Variants in ITGB6 observed in about 807,000 individuals in gnomAD.
ITGB6 encodes integrin subunit beta 6, also known as integrin beta-6.
A neutral mutation model predicts 84.5 loss-of-function variants in ITGB6; 80 were observed. That is an observed-to-expected ratio of 0.95 (90% CI 0.79 to 1.14). The LOEUF is 1.14. Among genes scored for constraint, ITGB6 ranks in the 50% most tolerant of loss-of-function variants. The pLI, the probability that ITGB6 is intolerant of heterozygous loss-of-function variation, is 0.00. For missense variants in ITGB6, 1,006 were observed against 968.0 expected (o/e 1.04, Z -0.52); for synonymous variants, 383 against 354.9 (o/e 1.08, Z -0.89).
chr2:160,101,420 A>G lies in ITGB6; in HGVS notation c.*316T>C. The G allele has an allele frequency of 3.5e-6, 1 of 285,840 alleles. No individual in the cohort carries two copies. The highest frequency in any genetic ancestry group is 4.0e-5 in the South Asian group (1 of 25,092). 17.7% of individuals were successfully genotyped at this position (285,840 alleles called of 1,614,324 possible). A position where few individuals can be genotyped will look rare whatever the true frequency, so the allele number is the denominator to read the frequency against. ...TAGCTGCATTCCTGAAACAAATGAG[A>G]CTCTAATTTCAAACATTTTTCAAAT... On this transcript the variant is annotated 3_prime_UTR_variant, in exon 15 of 15. Coordinates refer to ENST00000283249, the MANE Select transcript of ITGB6 (RefSeq NM_000888.5).
chr2:160,173,874 G>A (rs1685309986), intron 5 of ITGB6, 100 bp downstream of exon 5: 1 of 1,038,838 alleles, frequency 9.6e-7, no homozygotes, highest in African/African-American at 1.7e-5. Context: ...GAAATTTAGA[G>A]ATCAAAGGAA....
intron 6 of ITGB6, 76 bp from the exon 7 acceptor site, chr2:160,169,383 A>G (rs770518062): frequency 1.9e-5 from 17 of 873,320 alleles, no homozygotes; most frequent in Non-Finnish European, 2.5e-5. Flanking sequence ...TATTTCAAAG[A>G]TACCTTTTTG....
intron 12 of ITGB6, among the ~76,000 whole-genome samples, chr2:160,115,400 AG>A (rs1241381843): frequency 2.0e-5 from 3 of 152,256 alleles, no homozygotes; most frequent in Non-Finnish European, 4.4e-5. Context: ...CCAGGCAAAC[AG>A]GGTCTGGAGT....
At chr2:160,195,219 C>T in intron 4 of ITGB6, 150 bp downstream of exon 4, 1 of 963,944 alleles carries the variant, frequency 1.0e-6, no homozygotes, top group Non-Finnish European at 1.5e-6. Context: ...CCACTCTAAG[C>T]AACCTAGGCC....
In ITGB6 at chr2:160,100,472, T is replaced by C. The variant is rs913590931; in HGVS notation, c.*1264A>G. The C allele has an allele frequency of 1.3e-5, 2 of 152,240 alleles. No homozygotes were observed. Among genetic ancestry groups the C allele is most frequent in the African/African-American group, 4.8e-5 (2 of 41,470 alleles). The allele number at this position is 152,240 out of a possible 1,614,324, so 9.4% of individuals were successfully genotyped here. ...AGTTTCCTGCAGTGGAAAGAGGAGA[T>C]GGCTTGGAGTTAGAAGAGCTAGATT... On this transcript the variant is annotated 3_prime_UTR_variant, in exon 15 of 15. Transcript: ENST00000283249.
intron 4 of ITGB6, among the ~76,000 whole-genome samples, chr2:160,193,983 C>G (rs1355487573): frequency 6.6e-6 from 1 of 152,140 alleles, no homozygotes; most frequent in Non-Finnish European, 1.5e-5. Flanking sequence ...ATAGCGAAAC[C>G]CAGTCACTAC....
At chr2:160,121,587 C>T (rs1683041738) in intron 12 of ITGB6, among the ~76,000 whole-genome samples, 1 of 152,048 alleles carries the variant, frequency 6.6e-6, no homozygotes, top group Admixed American at 6.6e-5. Flanking sequence ...AGTTCGAGGC[C>T]AGCCTGGCCA....
At chr2:160,133,722 A>C (rs1052296090) in intron 10 of ITGB6, among the ~76,000 whole-genome samples, 6 of 152,228 alleles carry the variant, frequency 3.9e-5, no homozygotes, top group Non-Finnish European at 7.3e-5. Context: ...ACCACAGTGC[A>C]ATCAAACTAG....
intron 4 of ITGB6, among the ~76,000 whole-genome samples, chr2:160,188,840 A>G (rs192420961): frequency 2.0e-4 from 31 of 152,142 alleles, no homozygotes; most frequent in African/African-American, 7.2e-4. Flanking sequence ...TCCTGAACTC[A>G]TGATTCACCC....
At chr2:160,111,327 A>T (rs796203254) in intron 13 of ITGB6, among the ~76,000 whole-genome samples, 5 of 152,294 alleles carry the variant, frequency 3.3e-5, no homozygotes, top group African/African-American at 1.2e-4. Flanking sequence ...TAGTTGGAGA[A>T]TTTTATTTTG....
At chr2:160,122,255 C>T (rs1005126608) in intron 12 of ITGB6, among the ~76,000 whole-genome samples, 1 of 151,966 alleles carries the variant, frequency 6.6e-6, no homozygotes. Flanking sequence ...ATTTTAAATG[C>T]CACTGGAGCC....
chr2:160,191,484 A>G (rs571621885), intron 4 of ITGB6, among the ~76,000 whole-genome samples: 1 of 152,148 alleles, frequency 6.6e-6, no homozygotes, highest in Non-Finnish European at 1.5e-5. Flanking sequence ...TAATTTTTTT[A>G]AAAAAACTTA....
intron 11 of ITGB6, 70 bp from the exon 12 acceptor site, chr2:160,123,958 T>C: frequency 9.1e-7 from 1 of 1,104,934 alleles, no homozygotes; most frequent in East Asian, 2.4e-5. Flanking sequence ...GAATATTGCT[T>C]TACTGCTGTT....
rs1683796861 is a variant in ITGB6, at chr2:160,137,580, G to A, written c.1514C>T (p.Ala505Val). The A allele has an allele frequency of 6.2e-7, 1 of 1,614,066 alleles. No homozygotes were observed. Residue 505 changes from alanine to valine, a missense_variant, in exon 10 of 15, where the codon GCC becomes GTC. Transcript: ENST00000283249. ...DMLSTDSCKE[A>V]PDHPSCSGRG... ...TCCGCTGCAGGAGGGATGATCTGGG[G>A]CCTCCTTGCAGGAATCTGTGCTCAG...
chr2:160,141,562 T>C (rs1684001573), intron 8 of ITGB6, among the ~76,000 whole-genome samples: 1 of 152,216 alleles, frequency 6.6e-6, no homozygotes, highest in African/African-American at 2.4e-5. Context: ...CCAACACTTG[T>C]ATTTTTGCTT....
chr2:160,131,360 G>A (rs574663035), intron 10 of ITGB6, among the ~76,000 whole-genome samples: 6 of 152,182 alleles, frequency 3.9e-5, no homozygotes, highest in Non-Finnish European at 5.9e-5. Context: ...GAAAGAAGCT[G>A]TATGAAAAAG....
At chr2:160,198,144 A>T (rs1477720075) in intron 2 of ITGB6, among the ~76,000 whole-genome samples, 2 of 151,954 alleles carry the variant, frequency 1.3e-5, no homozygotes, top group Admixed American at 6.5e-5. Flanking sequence ...TCCAAAAAAC[A>T]TGTGATTTTT....
chr2:160,172,504 C>T (rs1055900777), intron 6 of ITGB6, 65 bp downstream of exon 6: 2 of 1,405,978 alleles, frequency 1.4e-6, no homozygotes, highest in Admixed American at 3.5e-5. Flanking sequence ...ACATGTATTA[C>T]ACTAGTTGTT....
intron 4 of ITGB6, among the ~76,000 whole-genome samples, chr2:160,192,938 G>A: frequency 6.6e-6 from 1 of 152,068 alleles, no homozygotes; most frequent in South Asian, 2.1e-4. Flanking sequence ...ACAATGAGAT[G>A]CTACCCCACA....
Sources: allele counts gnomAD v4.1 joint callset (sites outside exome capture counted in the v4.1 genomes callset), GRCh38; gene constraint gnomAD v4.1.1; transcripts MANE v1.5; gene names NCBI Gene and HGNC (gene_info 2026-07-23, HGNC 2026-07-21).